MMEL1: variants seen among roughly 807,000 people sequenced by gnomAD.
The protein encoded by MMEL1 is membrane metallo-endopeptidase-like 1.
Under a neutral mutation model 117.1 loss-of-function variants are expected in MMEL1, and 98 were observed. The observed-to-expected ratio is 0.84, with a 90% CI of 0.71 to 0.99. The LOEUF is 0.99. MMEL1 is among the 50% of genes least tolerant of loss of function. The probability of loss-of-function intolerance (pLI) is 0.00; values close to 1 mark genes in which losing one functional copy is unlikely to be tolerated. For missense variants in MMEL1, 1,014 were observed against 1,049.1 expected, an observed-to-expected ratio of 0.97 and a Z score of 0.46; for synonymous variants, 390 against 415.1, an observed-to-expected ratio of 0.94 and a Z score of 0.74.
chr1:2,601,312 C>G (rs1048423486), intron 11 of MMEL1, among the ~76,000 whole-genome samples: 1 of 152,094 alleles, frequency 6.6e-6, no homozygotes, highest in African/African-American at 2.4e-5. Flanking sequence ...CACGCATAGA[C>G]ACACAGGAAC....
In MMEL1 at chr1:2,596,557, C is replaced by T. The variant is rs564385423; in HGVS notation, c.1401+4G>A. 9.9e-6 allele frequency: 16 copies of T among 1,608,472 alleles called. No homozygotes were observed. The highest frequency in any genetic ancestry group is 1.3e-5 in the Non-Finnish European group (15 of 1,179,648). Reference sequence around the variant, plus strand: ...CGCGTGGGCCATGGATGAGGGGCGCCCACCATGCTCTTGCTGTCTCCAGGG... The same window carrying T: ...CGCGTGGGCCATGGATGAGGGGCGCTCACCATGCTCTTGCTGTCTCCAGGG... On this transcript the variant is annotated splice_donor_region_variant and intron_variant, in intron 14 of 23. Coordinates refer to ENST00000378412, the MANE Select transcript of MMEL1 (RefSeq NM_033467.4).
At position 2,590,817 on chromosome 1, in the gene MMEL1, C is replaced by G. The variant is rs1191919173; in HGVS notation, c.*173G>C. 3 of 471,946 alleles carry G rather than the reference C, an allele frequency of 6.4e-6. No individual in the cohort carries two copies. Among genetic ancestry groups the G allele is most frequent in the Non-Finnish European group, 1.1e-5 (3 of 272,578 alleles). 29.2% of individuals were successfully genotyped at this position (471,946 alleles called of 1,614,324 possible). The stretch of plus-strand genomic sequence containing the variant: ...AGGTACTGCACTGGACACTGCTCAT[C>G]CCTGGGTGTCAGGCAGGTGGCTGCA... On this transcript the variant is annotated 3_prime_UTR_variant, in exon 24 of 24. Transcript: ENST00000378412.
At chr1:2,599,753 A>G (rs1037301258) in intron 11 of MMEL1, among the ~76,000 whole-genome samples, 1 of 151,570 alleles carries the variant, frequency 6.6e-6, no homozygotes, top group East Asian at 1.9e-4. Context: ...GCTACTTGGG[A>G]GGCTGAGGCA....
intron 2 of MMEL1, among the ~76,000 whole-genome samples, chr1:2,625,570 C>T (rs992591151): frequency 6.6e-6 from 1 of 152,300 alleles, no homozygotes; most frequent in South Asian, 2.1e-4. Context: ...GATTTTGGAG[C>T]GGGGCCCTGC....
chr1:2,590,871 G>A lies in MMEL1; in HGVS notation c.*119C>T. On this transcript the variant is annotated 3_prime_UTR_variant, in exon 24 of 24. Transcript: ENST00000378412. ...TAGGCCAGGCGCAGAGGCCTGGCAG[G>A]CAGGCTTGGCATGGTTGGCCGGGGC... 2.7e-6 allele frequency: 2 copies of A among 753,756 alleles called. No individual in the cohort carries two copies. The highest frequency in any genetic ancestry group is 3.2e-5 in the South Asian group (1 of 31,628). The allele number at this position is 753,756 out of a possible 1,614,324, so 46.7% of individuals were successfully genotyped here. A position where few individuals can be genotyped will look rare whatever the true frequency, so the allele number is the denominator to read the frequency against.
intron 2 of MMEL1, among the ~76,000 whole-genome samples, chr1:2,622,914 G>A (rs999646585): frequency 2.7e-4 from 41 of 150,666 alleles, no homozygotes; most frequent in African/African-American, 9.5e-4. Context: ...GTCCAGGAGC[G>A]GTGGCTTACC....
chr1:2,611,463 C>A (rs1570690521), intron 3 of MMEL1, 123 bp from the exon 4 acceptor site: 1 of 38,552 alleles, frequency 2.6e-5, no homozygotes, highest in Non-Finnish European at 5.0e-5. Flanking sequence ...CTGGGGTGGG[C>A]GGGGCAAGGT....
At chr1:2,616,871 C>T (rs1645209666) in intron 2 of MMEL1, among the ~76,000 whole-genome samples, 1 of 152,218 alleles carries the variant, frequency 6.6e-6, no homozygotes, top group Admixed American at 6.5e-5. Context: ...CATAGGATTT[C>T]CCGTAGCCTT....
Position 2,604,097 on chromosome 1 carries a change from GGCTCCCAGCCCACTCGCTGCCC to G in MMEL1, c.951+28_951+49del, listed in dbSNP as rs777066424. On this transcript the variant is annotated intron_variant, in intron 10 of 23. Coordinates refer to ENST00000378412, the MANE Select transcript of MMEL1 (RefSeq NM_033467.4). ...CACCTTGGCCAGCCACACCGCCTGGGGCTCCCAGCCCACTCGCTGCCCGCTCCCCACCCGCCCCGGCCCCCTT... is the reference window on the plus strand; with the variant it reads ...CACCTTGGCCAGCCACACCGCCTGGGGCTCCCCACCCGCCCCGGCCCCCTT... 110 of 1,574,572 alleles carry G rather than the reference GGCTCCCAGCCCACTCGCTGCCC, an allele frequency of 7.0e-5. No individual in the cohort carries two copies. In the East Asian group the frequency reaches 2.3e-3, roughly 33 times the overall value.
chr1:2,629,639 T>G, intron 1 of MMEL1, 118 bp from the exon 2 acceptor site: 6 of 849,500 alleles, frequency 7.1e-6, no homozygotes, highest in Non-Finnish European at 1.0e-5. Flanking sequence ...GGAACACTCT[T>G]CCCGTCTCCC....
intron 2 of MMEL1, among the ~76,000 whole-genome samples, chr1:2,625,764 A>G (rs1001799320): frequency 2.0e-5 from 3 of 152,142 alleles, no homozygotes; most frequent in Non-Finnish European, 2.9e-5. Flanking sequence ...GCATTCCATC[A>G]TCAAATGGAA....
At position 2,629,317 on chromosome 1, in the gene MMEL1, G is replaced by T; in HGVS notation, c.154+14C>A. The stretch of plus-strand genomic sequence containing the variant: ...GGGCACGGGGACAGGCGGGGGCGGG[G>T]CACCCGCACTCACCTCTGCGGTCGG... On this transcript the variant is annotated intron_variant, in intron 2 of 23. Coordinates refer to ENST00000378412, the MANE Select transcript of MMEL1 (RefSeq NM_033467.4). 6.6e-7 allele frequency: 1 copy of T among 1,522,518 alleles called. No homozygotes were observed. The allele number at this position is 1,522,518 out of a possible 1,614,324, so 94.3% of individuals were successfully genotyped here.
At chr1:2,594,305 G>A (rs1644795025) in intron 18 of MMEL1, 80 bp downstream of exon 18, 1 of 1,423,700 alleles carries the variant, frequency 7.0e-7, no homozygotes, top group Non-Finnish European at 9.7e-7. Context: ...CAGGAGGAAG[G>A]GATGGGCAGG....
intron 1 of MMEL1, among the ~76,000 whole-genome samples, chr1:2,630,586 CGT>C (rs36036408): frequency 0.36 from 51,927 of 143,084 alleles, 10,003 homozygotes; most frequent in Middle Eastern, 0.48. Flanking sequence ...TGAGTGTGCA[CGT>C]GTGTGTCCTC....
At chr1:2,594,946 G>T in intron 16 of MMEL1, 53 bp from the exon 17 acceptor site, 2 of 1,488,108 alleles carry the variant, frequency 1.3e-6, no homozygotes, top group Non-Finnish European at 9.4e-7. Flanking sequence ...CCTCAGAGGA[G>T]CAAGGGGAGA....
In MMEL1 at chr1:2,595,193, G is replaced by A. The variant is rs568067677; in HGVS notation, c.1584+83C>T. Reference sequence around the variant, plus strand: ...TTAGCGCCTGGGAGGAGGGCACAGAGCTTGGCACAGAGGAGCCCCCAGGCA... The same window carrying A: ...TTAGCGCCTGGGAGGAGGGCACAGAACTTGGCACAGAGGAGCCCCCAGGCA... On this transcript the variant is annotated intron_variant, in intron 16 of 23. Coordinates refer to ENST00000378412, the MANE Select transcript of MMEL1 (RefSeq NM_033467.4). This position sits in a 1 kb window ranked among gnomAD's most constrained non-coding sequence, Gnocchi z 4.8. The A allele has an allele frequency of 1.5e-6, 2 of 1,292,638 alleles. No homozygotes were observed. The highest frequency in any genetic ancestry group is 2.2e-6 in the Non-Finnish European group (2 of 908,404). The allele number at this position is 1,292,638 out of a possible 1,614,324, so 80.1% of individuals were successfully genotyped here.
chr1:2,594,681 A>G (rs1644802744), intron 17 of MMEL1, 109 bp downstream of exon 17: 1 of 1,015,730 alleles, frequency 9.8e-7, no homozygotes, highest in African/African-American at 1.6e-5. Flanking sequence ...CTCAGCTGGC[A>G]CTGGACCCCA....
chr1:2,618,168 TG>T (rs1423995112), intron 2 of MMEL1, among the ~76,000 whole-genome samples: 1 of 152,168 alleles, frequency 6.6e-6, no homozygotes, highest in Admixed American at 6.5e-5. Flanking sequence ...GGGTGGGGCC[TG>T]GTGGGAGGTG....
Position 2,611,080 on chromosome 1 carries a change from G to A in MMEL1, c.292+201C>T, listed in dbSNP as rs375702686. ...CAGGGCCTGGCTGCTGGAGGCTGGG[G>A]ACTGGGGGCCCAGCGGACGCCAGAT... On this transcript the variant is annotated intron_variant, in intron 4 of 23. Transcript: ENST00000378412. Among the ~76,000 whole-genome samples, 71 of 152,332 alleles carry A rather than the reference G, an allele frequency of 4.7e-4. No homozygotes were observed. In the East Asian group the frequency reaches 0.012, roughly 26 times the overall value.
Sources: allele counts gnomAD v4.1 joint callset (sites outside exome capture counted in the v4.1 genomes callset), GRCh38; gene constraint gnomAD v4.1.1; non-coding constraint Gnocchi (gnomAD v3.1); transcripts MANE v1.5; gene names NCBI Gene and HGNC (gene_info 2026-07-23, HGNC 2026-07-21).